Variants in CNTN5 observed in about 807,000 individuals in gnomAD.
The protein encoded by CNTN5 is contactin-5.
A neutral mutation model predicts 129.1 loss-of-function variants in CNTN5; 77 were observed. That is an observed-to-expected ratio of 0.60 (90% CI 0.50 to 0.72). The LOEUF is 0.72. Ranked by LOEUF, CNTN5 falls within the 30% of genes least tolerant of loss-of-function variation. The probability of loss-of-function intolerance (pLI) is 0.00; values close to 1 mark genes in which losing one functional copy is unlikely to be tolerated. For synonymous variants in CNTN5, 509 were observed against 465.6 expected, an observed-to-expected ratio of 1.09 and a Z score of -1.20; for missense variants, 1,478 against 1,328.8, an observed-to-expected ratio of 1.11 and a Z score of -1.75.
At chr11:99,757,175 C>T (rs1398617510) in intron 3 of CNTN5, among the ~76,000 whole-genome samples, 1 of 151,960 alleles carries the variant, frequency 6.6e-6, no homozygotes, top group African/African-American at 2.4e-5. Flanking sequence ...GTCAACAATC[C>T]ATGGTGTGTT....
At chr11:99,640,941 G>A (rs1183366770) in intron 3 of CNTN5, among the ~76,000 whole-genome samples, 2 of 152,138 alleles carry the variant, frequency 1.3e-5, no homozygotes, top group Non-Finnish European at 2.9e-5. Context: ...CTACCTTGAT[G>A]TTCCTGTAAT....
chr11:99,187,528 C>A (rs774029458), intron 1 of CNTN5, among the ~76,000 whole-genome samples: 1 of 151,692 alleles, frequency 6.6e-6, no homozygotes, highest in East Asian at 1.9e-4. Flanking sequence ...TATTTTAATA[C>A]AAATTTAATA....
At chr11:99,294,593 C>T (rs569845823) in intron 1 of CNTN5, among the ~76,000 whole-genome samples, 16 of 152,124 alleles carry the variant, frequency 1.1e-4, no homozygotes, top group African/African-American at 3.9e-4. Flanking sequence ...TTTCATATTA[C>T]CTTAAAAAAA....
chr11:100,036,001 G>T (rs1230798602), intron 9 of CNTN5, among the ~76,000 whole-genome samples: 1 of 152,118 alleles, frequency 6.6e-6, no homozygotes, highest in Admixed American at 6.5e-5. Context: ...TTTGGCTTTT[G>T]GTGCCGTTGC....
chr11:99,559,657 A>G (rs1337091897), intron 3 of CNTN5, among the ~76,000 whole-genome samples: 3 of 152,210 alleles, frequency 2.0e-5, no homozygotes, highest in Admixed American at 2.0e-4. Context: ...TTTCTTACAA[A>G]GCTAAACACA....
intron 2 of CNTN5, among the ~76,000 whole-genome samples, chr11:99,526,330 T>C (rs1338034433): frequency 1.3e-5 from 2 of 152,152 alleles, no homozygotes; most frequent in Admixed American, 1.3e-4. Flanking sequence ...CACTGTGTGG[T>C]CTCCTTTGAT....
chr11:100,218,420 A>G (rs1949189051), intron 15 of CNTN5, among the ~76,000 whole-genome samples: 1 of 152,230 alleles, frequency 6.6e-6, no homozygotes, highest in African/African-American at 2.4e-5. Context: ...TTTATCTCAA[A>G]GACCAATGTT....
At chr11:99,415,554 T>A (rs1942618304) in intron 2 of CNTN5, among the ~76,000 whole-genome samples, 1 of 152,084 alleles carries the variant, frequency 6.6e-6, no homozygotes, top group Non-Finnish European at 1.5e-5. Flanking sequence ...TACTTTCAGG[T>A]TTTATGGCTG....
At chr11:99,652,269 C>G (rs1378994953) in intron 3 of CNTN5, among the ~76,000 whole-genome samples, 1 of 152,046 alleles carries the variant, frequency 6.6e-6, no homozygotes, top group African/African-American at 2.4e-5. Flanking sequence ...ATATAGCCCC[C>G]TCTCACAACA....
At chr11:99,131,187 G>A (rs1283498946) in intron 1 of CNTN5, among the ~76,000 whole-genome samples, 1 of 140,116 alleles carries the variant, frequency 7.1e-6, no homozygotes, top group African/African-American at 2.7e-5. Context: ...GGCGGAGCTT[G>A]CAGTGAGCTG....
chr11:99,828,319 C>T (rs535229176), intron 4 of CNTN5, among the ~76,000 whole-genome samples: 1 of 152,114 alleles, frequency 6.6e-6, no homozygotes, highest in African/African-American at 2.4e-5. Context: ...ATGCCACAGG[C>T]TGGGTAATTT....
intron 7 of CNTN5, among the ~76,000 whole-genome samples, chr11:99,947,684 A>C (rs753783195): frequency 1.1e-4 from 17 of 152,168 alleles, no homozygotes; most frequent in Non-Finnish European, 2.2e-4. Flanking sequence ...CACATTTAAC[A>C]TAGAAAATTT....
chr11:99,899,610 T>G (rs750502739), intron 6 of CNTN5, among the ~76,000 whole-genome samples: 2 of 152,082 alleles, frequency 1.3e-5, no homozygotes, highest in African/African-American at 2.4e-5. Flanking sequence ...TATGATGTAT[T>G]GTTGGATTCA....
chr11:100,239,571 A>T lies in CNTN5; in HGVS notation c.2005+14759A>T, dbSNP rs374887618. 6.6e-5 allele frequency among the ~76,000 whole-genome samples: 10 copies of T among 152,348 alleles called. No homozygotes were observed. The East Asian group carries it at 1.7e-3, about 26-fold the overall frequency. ...CCTTCAGTTGACAGTAAAGCAATGC[A>T]AAAATTATAATAAAGAGTAGAAAGC... On this transcript the variant is annotated intron_variant, in intron 16 of 24. Transcript: ENST00000524871.
intron 8 of CNTN5, among the ~76,000 whole-genome samples, chr11:99,962,992 T>G (rs1269876566): frequency 2.6e-5 from 4 of 152,068 alleles, no homozygotes; most frequent in African/African-American, 9.7e-5. Context: ...TTCGCCCACT[T>G]TTTGATGGGG....
chr11:99,913,596 A>G (rs773865709), intron 6 of CNTN5, among the ~76,000 whole-genome samples: 9 of 152,088 alleles, frequency 5.9e-5, no homozygotes, highest in East Asian at 1.9e-4. Context: ...AAATAAAGCA[A>G]TTGGAGTGAA....
In CNTN5 at chr11:100,071,694, T is replaced by C; in HGVS notation, c.1300-11T>C. The C allele has an allele frequency of 6.5e-7, 1 of 1,547,776 alleles. No homozygotes were observed. The highest frequency in any genetic ancestry group is 1.2e-5 in the South Asian group (1 of 81,534). ...TACTTTCTAGATCTAATTTTTTTAA[T>C]TCCATTACAGAGTAGGGTTGAGATG... On this transcript the variant is annotated splice_polypyrimidine_tract_variant and intron_variant, in intron 11 of 24. Transcript: ENST00000524871.
At chr11:100,157,126 T>C (rs1388564303) in intron 13 of CNTN5, among the ~76,000 whole-genome samples, 1 of 151,762 alleles carries the variant, frequency 6.6e-6, no homozygotes, top group Non-Finnish European at 1.5e-5. Context: ...TTTTTATCAC[T>C]TTTCTTAATA....
chr11:99,729,076 C>T (rs764819425), intron 3 of CNTN5, among the ~76,000 whole-genome samples: 2 of 152,134 alleles, frequency 1.3e-5, no homozygotes, highest in Non-Finnish European at 2.9e-5. Flanking sequence ...AAGACCTCTT[C>T]CTGCTCCTCA....
Sources: gnomAD v4.1 joint callset for allele counts (sites outside exome capture counted in the v4.1 genomes callset) on GRCh38, gnomAD v4.1.1 for gene constraint, MANE v1.5 for transcripts, NCBI Gene and HGNC (gene_info 2026-07-23, HGNC 2026-07-21) for gene names.